RAD9B: variants seen among roughly 807,000 people sequenced by gnomAD.
The protein encoded by RAD9B is RAD9 checkpoint clamp component B, also known as cell cycle checkpoint control protein RAD9B.
RAD9B carries 41 observed loss-of-function variants against 48.3 expected under a neutral mutation model. That is an observed-to-expected ratio of 0.85 (90% CI 0.66 to 1.10). RAD9B has a LOEUF of 1.10. RAD9B is among the 50% of genes least tolerant of loss of function. RAD9B has a pLI of 0.00. For missense variants in RAD9B, 444 were observed against 485.1 expected, an observed-to-expected ratio of 0.92 and a Z score of 0.80; for synonymous variants, 160 against 157.9, an observed-to-expected ratio of 1.01 and a Z score of -0.10.
chr12:110,529,636 G>C (rs1412352242), intron 10 of RAD9B, among the ~76,000 whole-genome samples: 1 of 152,012 alleles, frequency 6.6e-6, no homozygotes, highest in Non-Finnish European at 1.5e-5. Flanking sequence ...TGTAGTTACA[G>C]CTACTCCAGA....
intron 10 of RAD9B, among the ~76,000 whole-genome samples, chr12:110,523,095 GTTAGAA>G (rs2063833399): frequency 6.6e-6 from 1 of 152,084 alleles, no homozygotes; most frequent in Admixed American, 6.6e-5. Context: ...GAGTTTCTTA[GTTAGAA>G]TTAGAAATTT....
At position 110,530,544 on chromosome 12, in the gene RAD9B, G is replaced by T. The variant is rs774891884; in HGVS notation, c.1145G>T (p.Gly382Val). 6.2e-7 allele frequency: 1 copy of T among 1,613,840 alleles called. No homozygotes were observed. Among genetic ancestry groups the T allele is most frequent in the Non-Finnish European group, 8.5e-7 (1 of 1,179,850 alleles). The change falls in exon 11 of 11, where the codon GGA becomes GTA. Residue 382 changes from glycine (G) to valine (V), a missense_variant. By Grantham distance (109) the Gly-to-Val change is moderately radical. Transcript: ENST00000409300. ...CLRKFSCMFFGAVSSDQQEHF... is the reference protein window; with the variant it reads ...CLRKFSCMFFVAVSSDQQEHF... ...CTCCAGTTTTCTTGCATGTTCTTTGGAGCAGTTTCTTCTGACCAGCAAGAA... is the reference window on the plus strand; with the variant it reads ...CTCCAGTTTTCTTGCATGTTCTTTGTAGCAGTTTCTTCTGACCAGCAAGAA...
Position 110,532,667 on chromosome 12 carries a change from A to C in RAD9B, c.*2014A>C, listed in dbSNP as rs1208131599. On this transcript the variant is annotated 3_prime_UTR_variant, in exon 11 of 11. Coordinates refer to ENST00000409300, the MANE Select transcript of RAD9B (RefSeq NM_001286535.2). ...CTGCACAGACAGTGGTGGTCCCATA[A>C]GATAATGGAGCTGCCCTATACAGGT... Among the ~76,000 whole-genome samples, 1 of 152,252 alleles carries C rather than the reference A, an allele frequency of 6.6e-6. No homozygotes were observed. Among genetic ancestry groups the C allele is most frequent in the African/African-American group, 2.4e-5 (1 of 41,474 alleles).
rs377035429 is a variant in RAD9B, at chr12:110,531,318, G to A, written c.*665G>A. The A allele has an allele frequency of 2.6e-5, 11 of 416,298 alleles. No homozygotes were observed. Among genetic ancestry groups the A allele is most frequent in the African/African-American group, 1.3e-4 (6 of 46,192 alleles). 25.8% of individuals were successfully genotyped at this position (416,298 alleles called of 1,614,324 possible). A position where few individuals can be genotyped will look rare whatever the true frequency, so the allele number is the denominator to read the frequency against. ...AGCGATTCTCCTGCCTCAGCCTCCC[G>A]TGCAGCTGGGATTGCAGGTGCGTGC... is the stretch of plus-strand genomic sequence containing the variant. On this transcript the variant is annotated 3_prime_UTR_variant, in exon 11 of 11. Transcript: ENST00000409300.
At chr12:110,519,007 A>C (rs1372536829) in intron 8 of RAD9B, 69 bp downstream of exon 8, 1 of 1,075,298 alleles carries the variant, frequency 9.3e-7, no homozygotes, top group African/African-American at 1.6e-5. Context: ...CTTTTGGATC[A>C]CTTTGAAATT....
At position 110,532,624 on chromosome 12, in the gene RAD9B, G is replaced by A. The variant is rs762455898; in HGVS notation, c.*1971G>A. Among the ~76,000 whole-genome samples, 36 of 152,196 alleles carry A rather than the reference G, an allele frequency of 2.4e-4. No homozygotes were observed. Among genetic ancestry groups the A allele is most frequent in the Non-Finnish European group, 4.3e-4 (29 of 68,034 alleles). On this transcript the variant is annotated 3_prime_UTR_variant, in exon 11 of 11. Transcript: ENST00000409300. Reference sequence around the variant, plus strand: ...ATACAGTCATGTGCTGCATAACAACGTTTTGGTCAACGATGGACTGCACAG... The same window carrying A: ...ATACAGTCATGTGCTGCATAACAACATTTTGGTCAACGATGGACTGCACAG...
chr12:110,513,026 C>T (rs1565886152), intron 5 of RAD9B, 148 bp downstream of exon 5: 1 of 541,076 alleles, frequency 1.8e-6, no homozygotes, highest in Non-Finnish European at 3.2e-6. Context: ...AGTGCAGTGG[C>T]GCGATCTTGG....
chr12:110,505,870 A>T, intron 3 of RAD9B, 98 bp downstream of exon 3: 1 of 895,820 alleles, frequency 1.1e-6, no homozygotes, highest in South Asian at 2.2e-5. Context: ...AATGGCATTC[A>T]GGACAAATCT....
Position 110,531,736 on chromosome 12 carries a change from G to A in RAD9B, c.*1083G>A. 2.8e-6 allele frequency: 3 copies of A among 1,057,738 alleles called. No individual in the cohort carries two copies. Among genetic ancestry groups the A allele is most frequent in the East Asian group, 5.1e-5 (2 of 39,474 alleles). 65.5% of individuals were successfully genotyped at this position (1,057,738 alleles called of 1,614,324 possible). A position where few individuals can be genotyped will look rare whatever the true frequency, so the allele number is the denominator to read the frequency against. On this transcript the variant is annotated 3_prime_UTR_variant, in exon 11 of 11. Transcript: ENST00000409300. Reference sequence around the variant, plus strand: ...CCCTTTAAGAGTTAGCTTTTTACCTGCACAAATGGACTAAAAAATCTGGCA... The same window carrying A: ...CCCTTTAAGAGTTAGCTTTTTACCTACACAAATGGACTAAAAAATCTGGCA...
intron 10 of RAD9B, among the ~76,000 whole-genome samples, chr12:110,524,417 C>T (rs2063873119): frequency 6.6e-6 from 1 of 151,924 alleles, no homozygotes; most frequent in African/African-American, 2.4e-5. Flanking sequence ...CAAAAATAAG[C>T]TGGGCATGGT....
Position 110,522,277 on chromosome 12 carries a change from ACT to A in RAD9B, c.995_996del (p.Leu332HisfsTer23). 6.2e-7 allele frequency: 1 copy of A among 1,613,240 alleles called. No individual in the cohort carries two copies. The highest frequency in any genetic ancestry group is 8.5e-7 in the Non-Finnish European group (1 of 1,179,630). On this transcript the variant is annotated frameshift_variant, in exon 10 of 11. Transcript: ENST00000409300. LOFTEE classifies it high-confidence loss of function. ...AAPRRLYPKE[T>X]LTNISALENC... is the part of the protein sequence containing the mutation. ...ACCAAGAAGGCTTTATCCTAAGGAGACTCTCACAAACATATCTGCATTGGAAA... is the reference window on the plus strand; with the variant it reads ...ACCAAGAAGGCTTTATCCTAAGGAGACTCACAAACATATCTGCATTGGAAA...
Position 110,530,700 on chromosome 12 carries a change from T to C in RAD9B, c.*47T>C. On this transcript the variant is annotated 3_prime_UTR_variant, in exon 11 of 11. Transcript: ENST00000409300. ...GGCCCCAGCCCAGTGACTGGCTCAT[T>C]TGCCCCTCAAGCACGAGTTTGCATG... 2 of 1,609,570 alleles carry C rather than the reference T, an allele frequency of 1.2e-6. No homozygotes were observed. Among genetic ancestry groups the C allele is most frequent in the Non-Finnish European group, 8.5e-7 (1 of 1,177,558 alleles).
chr12:110,506,720 A>G (rs1363322959), intron 4 of RAD9B, 27 bp downstream of exon 4: 1 of 1,099,012 alleles, frequency 9.1e-7, no homozygotes, highest in Non-Finnish European at 1.4e-6. Flanking sequence ...GTGGTTTAAA[A>G]TACTATGTTT....
In RAD9B at chr12:110,525,180, G is replaced by A. The variant is rs972024336; in HGVS notation, c.1125+2769G>A. On this transcript the variant is annotated intron_variant, in intron 10 of 10. Coordinates refer to ENST00000409300, the MANE Select transcript of RAD9B (RefSeq NM_001286535.2). ...TTTTTGTATTTTTTTTAGTAGAGACGGGGTTTTACCATGTTGGCCAGGATG... is the reference window on the plus strand; with the variant it reads ...TTTTTGTATTTTTTTTAGTAGAGACAGGGTTTTACCATGTTGGCCAGGATG... Among the ~76,000 whole-genome samples, 32 of 151,844 alleles carry A rather than the reference G, an allele frequency of 2.1e-4. No homozygotes were observed. The Middle Eastern group carries it at 0.017, about 81-fold the overall frequency.
intron 9 of RAD9B, 151 bp from the exon 10 acceptor site, chr12:110,522,026 A>G (rs996576695): frequency 1.2e-5 from 7 of 594,784 alleles, no homozygotes; most frequent in Admixed American, 3.2e-5. Context: ...GATCATATAT[A>G]TAAATTTTAA....
At chr12:110,519,356 G>A (rs760952430) in intron 8 of RAD9B, among the ~76,000 whole-genome samples, 15 of 151,962 alleles carry the variant, frequency 9.9e-5, no homozygotes, top group Non-Finnish European at 2.1e-4. Flanking sequence ...CACCAGCCTC[G>A]GCCTCCCAAA....
chr12:110,527,468 A>G (rs967295641), intron 10 of RAD9B, among the ~76,000 whole-genome samples: 2 of 152,142 alleles, frequency 1.3e-5, no homozygotes, highest in African/African-American at 2.4e-5. Context: ...CTATCTGGAG[A>G]GCAGGTTCAA....
At chr12:110,512,970 A>AT (rs757552053) in intron 5 of RAD9B, 92 bp downstream of exon 5, 14,751 of 560,014 alleles carry the variant, frequency 0.026, 5 homozygotes, top group East Asian at 0.03. Context: ...CAGTCGGCAC[A>AT]TTTTTTTTTT....
intron 1 of RAD9B, chr12:110,503,043 G>C (rs1593021184): frequency 6.5e-6 from 1 of 152,704 alleles, no homozygotes; most frequent in Non-Finnish European, 1.5e-5. Context: ...TCGGGAGTTC[G>C]AGACCACCCT....
Sources: allele counts gnomAD v4.1 joint callset (sites outside exome capture counted in the v4.1 genomes callset), GRCh38; gene constraint gnomAD v4.1.1; transcripts MANE v1.5; gene names NCBI Gene and HGNC (gene_info 2026-07-23, HGNC 2026-07-21).